KAZN: variants seen among roughly 807,000 people sequenced by gnomAD.
KAZN encodes the protein kazrin, periplakin interacting protein.
KAZN carries 40 observed loss-of-function variants against 87.4 expected under a neutral mutation model. The ratio of observed to expected loss-of-function variants is 0.46; its 90% CI spans 0.36 to 0.60. The LOEUF (loss-of-function observed/expected upper bound fraction) is 0.60, where lower values mean the gene tolerates loss of function less well. Among genes scored for constraint, KAZN ranks in the 20% least tolerant of loss-of-function variants. KAZN has a pLI of 0.00. For synonymous variants in KAZN, 466 were observed against 458.3 expected, an observed-to-expected ratio of 1.02 and a Z score of -0.22; for missense variants, 898 against 1,073.9, an observed-to-expected ratio of 0.84 and a Z score of 2.29.
chr1:14,047,696 C>G (rs898525863), intron 1 of KAZN, among the ~76,000 whole-genome samples: 4 of 151,922 alleles, frequency 2.6e-5, no homozygotes, highest in Non-Finnish European at 5.9e-5. Context: ...GGTGAAACCC[C>G]GTCTCTACTA....
At chr1:14,478,731 C>T (rs956927116) in intron 2 of KAZN, among the ~76,000 whole-genome samples, 1 of 152,186 alleles carries the variant, frequency 6.6e-6, no homozygotes, top group Non-Finnish European at 1.5e-5. Context: ...TAATGTCTCA[C>T]ACAGACCCGT....
chr1:14,650,912 A>G (rs1282018924), intron 1 of KAZN, among the ~76,000 whole-genome samples: 1 of 152,162 alleles, frequency 6.6e-6, no homozygotes, highest in East Asian at 1.9e-4. Context: ...GAGAAAACAA[A>G]TTGAATACTG....
chr1:15,040,901 A>C (rs113958688), intron 3 of KAZN, among the ~76,000 whole-genome samples: 22,285 of 152,046 alleles, frequency 0.15, 1,833 homozygotes, highest in Admixed American at 0.21. Flanking sequence ...GAAACAGGCC[A>C]CTTTCATCTC....
At position 14,179,188 on chromosome 1, in the gene KAZN, C is replaced by G. The variant is rs143182400; in HGVS notation, c.92-1247C>G. Among the ~76,000 whole-genome samples, 144 of 152,326 alleles carry G rather than the reference C, an allele frequency of 9.5e-4. 1 individual carries two copies. Among genetic ancestry groups the G allele is most frequent in the East Asian group, 9.3e-3 (48 of 5,180 alleles). On this transcript the variant is annotated intron_variant, in intron 1 of 16. Transcript: ENST00000636203. ...AACCCCTTTGCAGATCTTTGGAGATCTAGGTGTAGCCCTCCTGCTCTTTTA... is the reference window on the plus strand; with the variant it reads ...AACCCCTTTGCAGATCTTTGGAGATGTAGGTGTAGCCCTCCTGCTCTTTTA...
intron 1 of KAZN, among the ~76,000 whole-genome samples, chr1:13,938,562 C>A (rs1009560323): frequency 1.3e-5 from 2 of 152,262 alleles, no homozygotes; most frequent in South Asian, 4.2e-4. Context: ...GCTTCCAGTT[C>A]AAATCCTTGG....
At chr1:14,703,429 C>G (rs888046410) in intron 1 of KAZN, among the ~76,000 whole-genome samples, 1 of 152,200 alleles carries the variant, frequency 6.6e-6, no homozygotes, top group African/African-American at 2.4e-5. Context: ...AGAAGCTTCC[C>G]CCTTCAGTGG....
At chr1:14,412,767 T>C (rs1024535272) in intron 2 of KAZN, among the ~76,000 whole-genome samples, 71 of 151,662 alleles carry the variant, frequency 4.7e-4, no homozygotes, top group African/African-American at 1.6e-3. Flanking sequence ...TAATTTTTCA[T>C]GGAAGTTATA....
intron 2 of KAZN, among the ~76,000 whole-genome samples, chr1:14,988,154 G>A (rs1667006248): frequency 6.6e-6 from 1 of 152,242 alleles, no homozygotes; most frequent in African/African-American, 2.4e-5. Flanking sequence ...GGAATATAAA[G>A]ACAGGAGTGA....
intron 1 of KAZN, among the ~76,000 whole-genome samples, chr1:14,955,116 C>T (rs1181450259): frequency 6.6e-6 from 1 of 152,130 alleles, no homozygotes; most frequent in Non-Finnish European, 1.5e-5. Flanking sequence ...CAGAGAGAGA[C>T]AGTGACCGGC....
upstream of KAZN, among the ~76,000 whole-genome samples, chr1:14,594,604 T>C (rs565957116): frequency 6.6e-6 from 1 of 152,160 alleles, no homozygotes; most frequent in Admixed American, 6.5e-5. Flanking sequence ...CCTACTGGGG[T>C]GTGAGATTGG....
intron 2 of KAZN, among the ~76,000 whole-genome samples, chr1:14,410,795 C>G (rs1664243394): frequency 6.6e-6 from 1 of 152,130 alleles, no homozygotes; most frequent in Non-Finnish European, 1.5e-5. Context: ...TGGCCAATAA[C>G]CAAAAGATGC....
At chr1:15,044,270 G>GGGGGGGCCCC in intron 4 of KAZN, 111 bp downstream of exon 4, 1 of 413,326 alleles carries the variant, frequency 2.4e-6, no homozygotes. Context: ...GGTGGGTGGG[G>GGGGGGGCCCC]CAGAGCAGAA....
chr1:14,147,218 A>T (rs1645372361), intron 1 of KAZN, among the ~76,000 whole-genome samples: 1 of 152,206 alleles, frequency 6.6e-6, no homozygotes, highest in African/African-American at 2.4e-5. Flanking sequence ...AGTTATTAGT[A>T]GTTAAGTTTC....
intron 2 of KAZN, among the ~76,000 whole-genome samples, chr1:14,186,690 C>T (rs893810352): frequency 2.6e-5 from 4 of 152,096 alleles, no homozygotes; most frequent in Admixed American, 6.5e-5. Context: ...TGAGCAAGTG[C>T]AGACTGGTAT....
intron 2 of KAZN, among the ~76,000 whole-genome samples, chr1:14,241,855 C>A (rs1648965206): frequency 6.6e-6 from 1 of 152,204 alleles, no homozygotes; most frequent in Admixed American, 6.5e-5. Context: ...AAAATTCCAA[C>A]TTTCTGAGAG....
chr1:14,885,096 C>G (rs1653883803), intron 1 of KAZN, among the ~76,000 whole-genome samples: 1 of 152,086 alleles, frequency 6.6e-6, no homozygotes, highest in Non-Finnish European at 1.5e-5. Flanking sequence ...AAGTCTTCTC[C>G]GAAAAACACT....
chr1:14,087,553 T>C (rs917426734), intron 1 of KAZN, among the ~76,000 whole-genome samples: 1 of 152,134 alleles, frequency 6.6e-6, no homozygotes, highest in African/African-American at 2.4e-5. Flanking sequence ...AGGGGAAGCA[T>C]TCCACCTTTT....
At chr1:14,065,614 ATAAGAG>A (rs969019111) in intron 1 of KAZN, among the ~76,000 whole-genome samples, 1 of 151,818 alleles carries the variant, frequency 6.6e-6, no homozygotes, top group African/African-American at 2.4e-5. Flanking sequence ...CAAACAGCAC[ATAAGAG>A]TAAATGTCTG....
At chr1:13,899,437 A>T (rs1023065561) in intron 1 of KAZN, among the ~76,000 whole-genome samples, 4 of 152,118 alleles carry the variant, frequency 2.6e-5, no homozygotes, top group African/African-American at 9.7e-5. Flanking sequence ...TTCCTTCCAG[A>T]CTGTCCTCCA....
Sources: allele counts gnomAD v4.1 joint callset (sites outside exome capture counted in the v4.1 genomes callset), GRCh38; gene constraint gnomAD v4.1.1; transcripts MANE v1.5; gene names NCBI Gene and HGNC (gene_info 2026-07-23, HGNC 2026-07-21).